CALN1: variants seen among roughly 807,000 people sequenced by gnomAD.
The protein encoded by CALN1 is calcium-binding protein 8.
In CALN1, 17 loss-of-function variants were observed where a neutral mutation model predicts 30.6. The observed-to-expected ratio is 0.56, with a 90% CI of 0.38 to 0.83. The LOEUF is 0.83. Ranked by LOEUF, CALN1 falls within the 40% of genes least tolerant of loss-of-function variation. The pLI is 0.00. For missense variants in CALN1, 291 were observed against 354.9 expected (o/e 0.82, Z 1.45); for synonymous variants, 156 against 131.4 (o/e 1.19, Z -1.28).
rs192883906 is a variant in CALN1, at chr7:72,444,295, C to T, written c.-226+2747G>A. ...GGCACTCCTGGAGTCCGCAGGCACC[C>T]GGTACAGGTTCCAGTGCAGGAGACA... On this transcript the variant is annotated intron_variant, in intron 1 of 6. Transcript: ENST00000395276. Among the ~76,000 whole-genome samples, 7 of 152,070 alleles carry T rather than the reference C, an allele frequency of 4.6e-5. No individual in the cohort carries two copies. In the East Asian group the frequency reaches 1.2e-3, roughly 26 times the overall value.
chr7:72,492,445 C>G, the CALN1 span, among the ~76,000 whole-genome samples: 1 of 152,184 alleles, frequency 6.6e-6, no homozygotes, highest in Non-Finnish European at 1.5e-5. Context: ...ATTGGTTCCA[C>G]CCTTTGGGAG....
chr7:72,041,706 C>T (rs1262663117), intron 4 of CALN1, among the ~76,000 whole-genome samples: 4 of 152,112 alleles, frequency 2.6e-5, no homozygotes, highest in Non-Finnish European at 5.9e-5. Flanking sequence ...TGAATTGTAG[C>T]TCCCGTAATT....
chr7:72,185,525 G>T (rs1357376982), intron 3 of CALN1, among the ~76,000 whole-genome samples: 2 of 152,172 alleles, frequency 1.3e-5, no homozygotes, highest in Non-Finnish European at 2.9e-5. Context: ...AGATGTCCAT[G>T]TCTATAAATA....
chr7:72,062,538 A>AAAAAG (rs1563023177), intron 4 of CALN1, among the ~76,000 whole-genome samples: 15 of 144,112 alleles, frequency 1.0e-4, no homozygotes, highest in African/African-American at 3.1e-4. Flanking sequence ...AAAGAAAAAA[A>AAAAAG]ATAAATAAAT....
intron 5 of CALN1, among the ~76,000 whole-genome samples, chr7:71,943,897 C>T (rs1175071277): frequency 6.6e-6 from 1 of 152,072 alleles, no homozygotes; most frequent in Non-Finnish European, 1.5e-5. Context: ...GGGGAGTGAG[C>T]ATGGAGATAA....
chr7:72,201,746 A>T (rs1791442708), intron 3 of CALN1, among the ~76,000 whole-genome samples: 1 of 150,622 alleles, frequency 6.6e-6, no homozygotes, highest in South Asian at 2.1e-4. Context: ...TTAAAAAAAA[A>T]AAAAAAAAAA....
At chr7:71,981,900 C>G (rs539823483) in intron 5 of CALN1, among the ~76,000 whole-genome samples, 43 of 152,094 alleles carry the variant, frequency 2.8e-4, no homozygotes, top group African/African-American at 9.2e-4. Context: ...GGTGGTGGTA[C>G]GAGAGTCGAG....
At chr7:71,857,628 C>T (rs1791034136) in intron 5 of CALN1, among the ~76,000 whole-genome samples, 1 of 152,176 alleles carries the variant, frequency 6.6e-6, no homozygotes, top group Non-Finnish European at 1.5e-5. Flanking sequence ...TTGCCCCCGC[C>T]CACTTAATCA....
the CALN1 span, among the ~76,000 whole-genome samples, chr7:72,474,459 G>A: frequency 7.9e-5 from 12 of 152,218 alleles, no homozygotes; most frequent in African/African-American, 2.6e-4. Context: ...GCTGAGGTGG[G>A]AGGATCGCTT....
At chr7:72,270,882 C>T (rs1288548583) in intron 3 of CALN1, among the ~76,000 whole-genome samples, 1 of 152,170 alleles carries the variant, frequency 6.6e-6, no homozygotes. Context: ...GTGGGTGGAT[C>T]ATAGATGAAA....
chr7:72,328,818 C>T (rs977559162), intron 2 of CALN1, among the ~76,000 whole-genome samples: 1 of 152,246 alleles, frequency 6.6e-6, no homozygotes, highest in African/African-American at 2.4e-5. Context: ...GCCTCAGCCT[C>T]CCAAGGAGCT....
chr7:71,834,347 C>CCA (rs1789481693), intron 5 of CALN1, among the ~76,000 whole-genome samples: 3 of 101,672 alleles, frequency 3.0e-5, no homozygotes, highest in African/African-American at 1.4e-4. Context: ...ACGATCCACC[C>CCA]TAAAAAAAAA....
the CALN1 span, among the ~76,000 whole-genome samples, chr7:72,478,053 G>C: frequency 6.6e-6 from 1 of 151,958 alleles, no homozygotes; most frequent in Non-Finnish European, 1.5e-5. Context: ...GCTTGGATCA[G>C]AATAAGCATG....
At chr7:72,032,694 A>G (rs1801535442) in intron 4 of CALN1, among the ~76,000 whole-genome samples, 1 of 152,192 alleles carries the variant, frequency 6.6e-6, no homozygotes, top group African/African-American at 2.4e-5. Context: ...GCAAATGGCA[A>G]TTGTCAAAAC....
chr7:72,374,993 ATTAG>A (rs764737835), intron 2 of CALN1, among the ~76,000 whole-genome samples: 2 of 152,094 alleles, frequency 1.3e-5, no homozygotes, highest in Admixed American at 6.5e-5. Context: ...ATCAATAAAA[ATTAG>A]TTATTTATAC....
chr7:72,195,174 C>G (rs1476254374), intron 3 of CALN1, among the ~76,000 whole-genome samples: 1 of 152,178 alleles, frequency 6.6e-6, no homozygotes, highest in African/African-American at 2.4e-5. Flanking sequence ...TACAGACACT[C>G]CACTCACCTA....
At chr7:72,226,632 C>A (rs1258833420) in intron 3 of CALN1, among the ~76,000 whole-genome samples, 2 of 152,234 alleles carry the variant, frequency 1.3e-5, no homozygotes, top group African/African-American at 4.8e-5. Context: ...TCTTCCTACA[C>A]TGTAGAGATA....
At chr7:72,162,863 G>A (rs1467501692) in intron 3 of CALN1, among the ~76,000 whole-genome samples, 1 of 152,218 alleles carries the variant, frequency 6.6e-6, no homozygotes, top group African/African-American at 2.4e-5. Flanking sequence ...AGTCTTAATG[G>A]ATCAAGGTGT....
intron 5 of CALN1, among the ~76,000 whole-genome samples, chr7:71,902,913 G>A (rs1040838098): frequency 2.0e-5 from 3 of 151,964 alleles, no homozygotes; most frequent in Non-Finnish European, 4.4e-5. Flanking sequence ...ATTTATAAGA[G>A]CTAAACAGTG....
Sources: gnomAD v4.1 joint callset for allele counts (sites outside exome capture counted in the v4.1 genomes callset) on GRCh38, gnomAD v4.1.1 for gene constraint, MANE v1.5 for transcripts, NCBI Gene and HGNC (gene_info 2026-07-23, HGNC 2026-07-21) for gene names.